The following PPM1L variants were observed in gnomAD, a reference collection of about 807,000 sequenced individuals.
PPM1L encodes the protein protein phosphatase, Mg2+/Mn2+ dependent 1L.
In PPM1L, 13 loss-of-function variants were observed where a neutral mutation model predicts 31.4. The observed-to-expected ratio is 0.41, with a 90% CI of 0.27 to 0.66. PPM1L has a LOEUF of 0.66. Ranked by LOEUF, PPM1L falls within the 30% of genes least tolerant of loss-of-function variation. PPM1L has a pLI of 0.29. For synonymous variants in PPM1L, 184 were observed against 175.4 expected (o/e 1.05, Z -0.39); for missense variants, 326 against 453.7 (o/e 0.72, Z 2.56).
chr3:160,900,332 C>T (rs1033275682), intron 1 of PPM1L, among the ~76,000 whole-genome samples: 1 of 151,916 alleles, frequency 6.6e-6, no homozygotes, highest in African/African-American at 2.4e-5. Context: ...TTTTCTGATG[C>T]TTTTTTGGTA....
intron 1 of PPM1L, among the ~76,000 whole-genome samples, chr3:160,881,451 A>T (rs1403163953): frequency 2.0e-5 from 3 of 152,300 alleles, no homozygotes; most frequent in Non-Finnish European, 4.4e-5. Flanking sequence ...GTGAGAAAGT[A>T]TGTCAAGCCT....
intron 1 of PPM1L, among the ~76,000 whole-genome samples, chr3:160,856,741 C>G (rs1255297306): frequency 3.3e-5 from 5 of 151,822 alleles, no homozygotes; most frequent in Middle Eastern, 3.2e-3. Flanking sequence ...ATCTGTACAT[C>G]AAACCTTCGT....
intron 1 of PPM1L, among the ~76,000 whole-genome samples, chr3:160,819,827 T>A (rs987474719): frequency 4.6e-5 from 7 of 151,960 alleles, no homozygotes; most frequent in Non-Finnish European, 7.4e-5. Context: ...TTGTTATTTT[T>A]AAAAAAATAG....
intron 2 of PPM1L, among the ~76,000 whole-genome samples, chr3:161,038,604 AAAAAAAAAG>A: frequency 7.2e-6 from 1 of 139,060 alleles, no homozygotes; most frequent in African/African-American, 3.0e-5. Context: ...AAAAAAAAAA[AAAAAAAAAG>A]CAAAATTGAC....
At chr3:160,833,280 T>C (rs1417693884) in intron 1 of PPM1L, among the ~76,000 whole-genome samples, 2 of 152,236 alleles carry the variant, frequency 1.3e-5, no homozygotes, top group Non-Finnish European at 2.9e-5. Flanking sequence ...TTTGGGTATA[T>C]ACCCAGTAAT....
intron 2 of PPM1L, among the ~76,000 whole-genome samples, chr3:161,031,846 G>T (rs552193765): frequency 1.3e-5 from 2 of 152,168 alleles, no homozygotes; most frequent in South Asian, 4.2e-4. Context: ...CCATGAGGAG[G>T]TTTTAGCCAA....
At chr3:160,934,049 T>C (rs566130730) in intron 1 of PPM1L, among the ~76,000 whole-genome samples, 12 of 152,360 alleles carry the variant, frequency 7.9e-5, no homozygotes, top group African/African-American at 1.9e-4. Flanking sequence ...TTTTTAACTT[T>C]AGCACATTAT....
intron 2 of PPM1L, among the ~76,000 whole-genome samples, chr3:161,064,354 A>AAG (rs1719662468): frequency 6.6e-6 from 1 of 150,986 alleles, no homozygotes; most frequent in East Asian, 2.0e-4. Flanking sequence ...ATGACAGAGC[A>AAG]AGACCCTATC....
chr3:161,017,801 T>C (rs559129766), intron 2 of PPM1L, among the ~76,000 whole-genome samples: 1 of 152,242 alleles, frequency 6.6e-6, no homozygotes, highest in East Asian at 1.9e-4. Flanking sequence ...GAAAAAGTAT[T>C]GCCGAGGTTG....
chr3:160,901,822 C>G (rs969393128), intron 1 of PPM1L, among the ~76,000 whole-genome samples: 1 of 152,086 alleles, frequency 6.6e-6, no homozygotes, highest in African/African-American at 2.4e-5. Flanking sequence ...TTGGGAAACA[C>G]TGTTTATCTT....
intron 2 of PPM1L, among the ~76,000 whole-genome samples, chr3:161,052,065 C>T (rs1719296209): frequency 6.6e-6 from 1 of 152,204 alleles, no homozygotes; most frequent in South Asian, 2.1e-4. Flanking sequence ...GGCACTGAAG[C>T]TCCTGAGAGT....
intron 1 of PPM1L, among the ~76,000 whole-genome samples, chr3:160,774,478 T>C (rs1421450813): frequency 6.6e-6 from 1 of 152,178 alleles, no homozygotes; most frequent in Non-Finnish European, 1.5e-5. Flanking sequence ...ACCAACTGGA[T>C]TATATATTGT....
At chr3:160,916,528 G>T (rs1049499950) in intron 1 of PPM1L, among the ~76,000 whole-genome samples, 3 of 152,016 alleles carry the variant, frequency 2.0e-5, no homozygotes, top group African/African-American at 7.2e-5. Context: ...GAAAAATATC[G>T]ATAAAAATAT....
intron 1 of PPM1L, among the ~76,000 whole-genome samples, chr3:160,762,741 G>A: frequency 6.6e-6 from 1 of 152,062 alleles, no homozygotes; most frequent in East Asian, 1.9e-4. Context: ...ATTAGAGATT[G>A]AAGAAAAAAT....
chr3:160,971,547 G>T (rs1165073094), intron 2 of PPM1L, among the ~76,000 whole-genome samples: 1 of 152,182 alleles, frequency 6.6e-6, no homozygotes, highest in Non-Finnish European at 1.5e-5. Flanking sequence ...AGAGGAGGAA[G>T]AAATTAGGTT....
In PPM1L at chr3:160,871,761, CT is replaced by C. The variant is rs552676430; in HGVS notation, c.400-89965del. On this transcript the variant is annotated intron_variant, in intron 1 of 3. Transcript: ENST00000498165. ...TGTTTTTTCCTCTGTTGTCTCCTTC[CT>C]TTTTTTTTTCTTATTTTGTATAATA... 3.3e-3 allele frequency among the ~76,000 whole-genome samples: 483 copies of C among 147,694 alleles called. 2 individuals are homozygous for C. The highest frequency in any genetic ancestry group is 0.01 in the African/African-American group (413 of 40,400).
intron 1 of PPM1L, among the ~76,000 whole-genome samples, chr3:160,835,280 T>C (rs370146039): frequency 2.5e-3 from 372 of 151,620 alleles, no homozygotes; most frequent in African/African-American, 8.8e-3. Flanking sequence ...CATTGTATAG[T>C]GGTCAGTTCC....
intron 1 of PPM1L, among the ~76,000 whole-genome samples, chr3:160,832,359 A>G (rs1713545553): frequency 6.6e-6 from 1 of 151,562 alleles, no homozygotes; most frequent in Non-Finnish European, 1.5e-5. Context: ...ATGGAAGGGG[A>G]TTCTAGGTGG....
Position 160,756,794 on chromosome 3 carries a change from A to G in PPM1L, c.399+87A>G. 1 of 815,070 alleles carries G rather than the reference A, an allele frequency of 1.2e-6. No individual in the cohort carries two copies. The highest frequency in any genetic ancestry group is 1.6e-6 in the Non-Finnish European group (1 of 613,196). The allele number at this position is 815,070 out of a possible 1,614,324, so 50.5% of individuals were successfully genotyped here. On this transcript the variant is annotated intron_variant, in intron 1 of 3. Transcript: ENST00000498165. This position sits in a 1 kb window ranked among gnomAD's most constrained non-coding sequence, Gnocchi z 6.2. ...GTGTGTGTGTGTGTGTGTGTGTATA[A>G]ACAACAGGACAGCGTGTGCGCAGCG... is the stretch of plus-strand genomic sequence containing the variant.
Sources: allele counts gnomAD v4.1 joint callset (sites outside exome capture counted in the v4.1 genomes callset), GRCh38; gene constraint gnomAD v4.1.1; non-coding constraint Gnocchi (gnomAD v3.1); transcripts MANE v1.5; gene names NCBI Gene and HGNC (gene_info 2026-07-23, HGNC 2026-07-21).